HYAL3: variants seen among roughly 807,000 people sequenced by gnomAD.
HYAL3 encodes hyaluronidase 3.
A neutral mutation model predicts 29.6 loss-of-function variants in HYAL3; 25 were observed. The observed-to-expected ratio is 0.85, with a 90% confidence interval of 0.62 to 1.18. The LOEUF is 1.18. Among genes scored for constraint, HYAL3 ranks in the 50% most tolerant of loss-of-function variants. HYAL3 has a pLI of 0.00. For missense variants in HYAL3, 442 were observed against 548.4 expected (o/e 0.81, Z 1.94); for synonymous variants, 215 against 218.3 (o/e 0.99, Z 0.13).
chr3:50,295,339 G>A lies in HYAL3; in HGVS notation c.264C>T (p.Gly88=). Residue 88 remains glycine (G), a synonymous_variant, in exon 2 of 4, where the codon GGC becomes GGT. Coordinates refer to ENST00000336307, the MANE Select transcript of HYAL3 (RefSeq NM_003549.4). ...LGLYPYFGPR[G]TAHNGGIPQA... ...GGGGGATGCCCCCATTGTGAGCTGT[G>A]CCCCTGGGTCCAAAGTAGGGATAGA... The A allele has an allele frequency of 1.2e-6, 2 of 1,614,164 alleles. No individual in the cohort carries two copies. Among genetic ancestry groups the A allele is most frequent in the Non-Finnish European group, 1.7e-6 (2 of 1,180,000 alleles).
intron 1 of HYAL3, chr3:50,296,284 T>TC (rs1701836149): frequency 2.6e-6 from 1 of 383,306 alleles, no homozygotes; most frequent in Non-Finnish European, 4.7e-6. Context: ...AGGACAGGCA[T>TC]CCTCCCATCA....
chr3:50,293,149 G>C lies in HYAL3; in HGVS notation c.*97C>G, dbSNP rs891564173. The stretch of plus-strand genomic sequence containing the variant: ...AGCGGGGTGTGTGCTTGGGAGGGTT[G>C]ACTGTAAACTGAATAGAGCAAGAGT... On this transcript the variant is annotated 3_prime_UTR_variant, in exon 4 of 4. Transcript: ENST00000336307. The C allele has an allele frequency of 6.4e-7, 1 of 1,568,170 alleles. No homozygotes were observed. The highest frequency in any genetic ancestry group is 8.8e-7 in the Non-Finnish European group (1 of 1,140,502).
chr3:50,296,057 G>A (rs1382378006), intron 1 of HYAL3, among the ~76,000 whole-genome samples: 1 of 152,166 alleles, frequency 6.6e-6, no homozygotes, highest in Non-Finnish European at 1.5e-5. Flanking sequence ...GAGGTCTCCT[G>A]GATCCCCAGG....
intron 1 of HYAL3, chr3:50,296,717 C>T: frequency 1.2e-6 from 2 of 1,612,866 alleles, no homozygotes; most frequent in East Asian, 4.5e-5. Flanking sequence ...TGGTCAGGCA[C>T]TCAGGTAGGG....
intron 1 of HYAL3, chr3:50,298,727 T>C: frequency 1.0e-6 from 1 of 1,003,820 alleles, no homozygotes; most frequent in Non-Finnish European, 1.2e-6. Context: ...TCCCCTTACC[T>C]CTCCTGAGCT....
At chr3:50,294,683 A>T in intron 2 of HYAL3, 26 bp downstream of exon 2, 1 of 1,484,390 alleles carries the variant, frequency 6.7e-7, no homozygotes, top group South Asian at 1.5e-5. Flanking sequence ...CCTGACTCAG[A>T]CCCCTAGACC....
Position 50,299,269 on chromosome 3 carries a change from T to C in HYAL3, c.-74A>G. The C allele has an allele frequency of 6.2e-7, 1 of 1,613,782 alleles. No individual in the cohort carries two copies. The highest frequency in any genetic ancestry group is 8.5e-7 in the Non-Finnish European group (1 of 1,179,968). Reference sequence around the variant, plus strand: ...TCCTAGCTCCGCACAGCTGGGTATCTCACTCAGTCGCCACCTCGGACTCCT... The same window carrying C: ...TCCTAGCTCCGCACAGCTGGGTATCCCACTCAGTCGCCACCTCGGACTCCT... On this transcript the variant is annotated 5_prime_UTR_variant, in exon 1 of 4. Coordinates refer to ENST00000336307, the MANE Select transcript of HYAL3 (RefSeq NM_003549.4).
At position 50,295,112 on chromosome 3, in the gene HYAL3, T is replaced by C. The variant is rs782505931; in HGVS notation, c.491A>G (p.Glu164Gly). 1 of 1,613,592 alleles carries C rather than the reference T, an allele frequency of 6.2e-7. No individual in the cohort carries two copies. The highest frequency in any genetic ancestry group is 8.5e-7 in the Non-Finnish European group (1 of 1,180,006). The change falls in exon 2 of 4, where the codon GAG (glutamate) becomes GGG (glycine). Residue 164 changes from glutamate (E) to glycine (G), a missense_variant. By Grantham distance (98) the Glu-to-Gly change is moderately conservative. Transcript: ENST00000336307. The stretch of plus-strand genomic sequence containing the variant: ...GCCAGTATAGGCCTTGTAGAGCTGC[T>C]CCTGAGGGTCCAGGTCAGGGAATAC... ...QQVFPDLDPQ[E>G]QLYKAYTGFE... is the part of the protein sequence containing the mutation.
chr3:50,296,668 G>GGCTTTT (rs1213553439), intron 1 of HYAL3: 1 of 1,614,036 alleles, frequency 6.2e-7, no homozygotes, highest in Non-Finnish European at 8.5e-7. Context: ...GTCTCCAGCA[G>GGCTTTT]GCTTTTTGAA....
At position 50,299,239 on chromosome 3, in the gene HYAL3, C is replaced by T. The variant is rs782315496; in HGVS notation, c.-44G>A. 1.2e-6 allele frequency: 2 copies of T among 1,614,120 alleles called. No homozygotes were observed. The highest frequency in any genetic ancestry group is 2.2e-5 in the South Asian group (2 of 91,084). On this transcript the variant is annotated 5_prime_UTR_variant, in exon 1 of 4. Coordinates refer to ENST00000336307, the MANE Select transcript of HYAL3 (RefSeq NM_003549.4). ...TGTTGATGCTGGCCTCTGGGATGTT[C>T]CGCGTCCTAGCTCCGCACAGCTGGG...
chr3:50,295,648 G>C lies in HYAL3; in HGVS notation c.-17-29C>G, dbSNP rs371318709. 233 of 1,501,014 alleles carry C rather than the reference G, an allele frequency of 1.6e-4. No individual in the cohort carries two copies. The African/African-American group carries it at 2.6e-3, about 17-fold the overall frequency. 93.0% of individuals were successfully genotyped at this position (1,501,014 alleles called of 1,614,324 possible). A position where few individuals can be genotyped will look rare whatever the true frequency, so the allele number is the denominator to read the frequency against. On this transcript the variant is annotated intron_variant, in intron 1 of 3. Transcript: ENST00000336307. ...CAGGAGAGAGGGGGGTGTAAGCTTA[G>C]AGTCCGCAGCTATGGCCACACCTTC...
At position 50,293,415 on chromosome 3, in the gene HYAL3, T is replaced by A; in HGVS notation, c.1085A>T (p.His362Leu). The A allele has an allele frequency of 6.2e-7, 1 of 1,613,684 alleles. No individual in the cohort carries two copies. The highest frequency in any genetic ancestry group is 8.5e-7 in the Non-Finnish European group (1 of 1,180,032). The change falls in exon 4 of 4, where the codon CAT (histidine) becomes CTT (leucine). Residue 362 changes from histidine to leucine, a missense_variant. His to Leu is a moderately conservative substitution (Grantham distance 99, BLOSUM62 -3). Transcript: ENST00000336307. The part of the protein sequence containing the change: ...AAMACSHQRC[H>L]GHGRCARRDP... ...TCGCCGGGCACAGCGCCCGTGGCCA[T>A]GGCACCGCTGGTGACTGCAGGCCAT... is the stretch of plus-strand genomic sequence containing the variant.
In HYAL3 at chr3:50,297,025, G is replaced by A; in HGVS notation, c.-17-1406C>T. 1.3e-6 allele frequency: 2 copies of A among 1,541,468 alleles called. No homozygotes were observed. Among genetic ancestry groups the A allele is most frequent in the Non-Finnish European group, 1.7e-6 (2 of 1,147,726 alleles). ...CGGCGGCCAAAGCCACGGCCCCTCA[G>A]GGCCCGGGCCACCACCACTGTCTCC... On this transcript the variant is annotated intron_variant, in intron 1 of 3. Transcript: ENST00000336307. This position sits in a 1 kb window ranked among gnomAD's most constrained non-coding sequence, Gnocchi z 4.3.
rs782453223 is a variant in HYAL3, at chr3:50,295,405, G to A, written c.198C>T (p.His66=). The change falls in exon 2 of 4, where the codon CAC becomes CAT. Residue 66 remains histidine, a synonymous_variant. Transcript: ENST00000336307. ...TGTAGAAAATGGTCATGTTCTGACC[G>A]TGAAAATGCTGGCCACGGTTGGCTA... ...GIIANRGQHF[H]GQNMTIFYKN... The A allele has an allele frequency of 6.8e-6, 11 of 1,614,096 alleles. No homozygotes were observed. Among genetic ancestry groups the A allele is most frequent in the African/African-American group, 4.0e-5 (3 of 74,952 alleles).
chr3:50,295,613 T>C lies in HYAL3; in HGVS notation c.-11A>G, dbSNP rs1553711006. 3.3e-6 allele frequency: 5 copies of C among 1,532,450 alleles called. No individual in the cohort carries two copies. Among genetic ancestry groups the C allele is most frequent in the East Asian group, 2.3e-5 (1 of 44,092 alleles). The allele number at this position is 1,532,450 out of a possible 1,614,324, so 94.9% of individuals were successfully genotyped here. ...CAGTTGCGTGGTCATTCCCCAAGGA[T>C]GGAAACCTGCAGGAGAGAGGGGGGT... On this transcript the variant is annotated 5_prime_UTR_variant, in exon 2 of 4. Transcript: ENST00000336307.
At position 50,297,142 on chromosome 3, in the gene HYAL3, G is replaced by A. The variant is rs1553711429; in HGVS notation, c.-17-1523C>T. 6.3e-7 allele frequency: 1 copy of A among 1,589,038 alleles called. No individual in the cohort carries two copies. Among genetic ancestry groups the A allele is most frequent in the East Asian group, 2.2e-5 (1 of 44,570 alleles). On this transcript the variant is annotated intron_variant, in intron 1 of 3. Transcript: ENST00000336307. This position sits in a 1 kb window ranked among gnomAD's most constrained non-coding sequence, Gnocchi z 4.3. ...GCTTCAAGTGTGGGGTGGGGGCTTA[G>A]CAGCATCAGGCAGAGGGGGAAGGCA...
Position 50,293,478 on chromosome 3 carries a change from G to A in HYAL3, c.1022C>T (p.Thr341Ile). The A allele has an allele frequency of 4.3e-6, 7 of 1,613,676 alleles. No homozygotes were observed. Among genetic ancestry groups the A allele is most frequent in the Middle Eastern group, 1.7e-4 (1 of 6,060 alleles). The change falls in exon 4 of 4, where the codon ACC (threonine) becomes ATC (isoleucine). Residue 341 changes from threonine to isoleucine, a missense_variant. Physicochemically the swap from Thr to Ile is moderately conservative, Grantham distance 89 (BLOSUM62 -1). Transcript: ENST00000336307. ...CWHLHDYLVD[T>I]LGPYVINVTR... ...CACATTGATCACATAGGGGCCCAAGGTGTCCACCAGGTAGTCATGGAGATG... is the reference window on the plus strand; with the variant it reads ...CACATTGATCACATAGGGGCCCAAGATGTCCACCAGGTAGTCATGGAGATG...
At chr3:50,295,781 C>T in intron 1 of HYAL3, 162 bp from the exon 2 acceptor site, 2 of 443,742 alleles carry the variant, frequency 4.5e-6, no homozygotes, top group Admixed American at 3.8e-5. Flanking sequence ...TTTAAAGCAG[C>T]CACACCGCAA....
chr3:50,293,733 G>C lies in HYAL3; in HGVS notation c.895-12C>G. On this transcript the variant is annotated splice_polypyrimidine_tract_variant and intron_variant, in intron 2 of 3. Transcript: ENST00000336307. ...TGCACAAGGTCATCCTGGAGGCAGA[G>C]AGCTGCTAAGCCAGTGCTGGGCTGG... is the stretch of plus-strand genomic sequence containing the variant. 6.2e-7 allele frequency: 1 copy of C among 1,612,956 alleles called. No homozygotes were observed. Among genetic ancestry groups the C allele is most frequent in the Non-Finnish European group, 8.5e-7 (1 of 1,179,510 alleles).
Sources: allele counts gnomAD v4.1 joint callset (sites outside exome capture counted in the v4.1 genomes callset), GRCh38; gene constraint gnomAD v4.1.1; non-coding constraint Gnocchi (gnomAD v3.1); transcripts MANE v1.5; gene names NCBI Gene and HGNC (gene_info 2026-07-23, HGNC 2026-07-21).